The following PLAA variants were observed in gnomAD, a reference collection of about 807,000 sequenced individuals.
PLAA encodes phospholipase A2 activating protein.
A neutral mutation model predicts 84.1 loss-of-function variants in PLAA; 48 were observed. That is an observed-to-expected ratio of 0.57 (90% CI 0.45 to 0.73). PLAA has a LOEUF of 0.73. Among genes scored for constraint, PLAA ranks in the 30% least tolerant of loss-of-function variants. The pLI is 0.00. For missense variants in PLAA, 903 were observed against 954.7 expected, an observed-to-expected ratio of 0.95 and a Z score of 0.71; for synonymous variants, 392 against 336.6, an observed-to-expected ratio of 1.16 and a Z score of -1.80.
chr9:26,918,947 T>C (rs994215443), intron 9 of PLAA, among the ~76,000 whole-genome samples: 20 of 152,216 alleles, frequency 1.3e-4, no homozygotes, highest in African/African-American at 3.6e-4. Context: ...GGTTCACTTT[T>C]AGATTTGATG....
intron 13 of PLAA, among the ~76,000 whole-genome samples, chr9:26,906,736 C>G (rs10967590): frequency 6.6e-6 from 1 of 151,968 alleles, no homozygotes; most frequent in Non-Finnish European, 1.5e-5. Context: ...CCGGAAAGTT[C>G]TTAAGAGAAG....
chr9:26,937,866 G>C (rs566231062), intron 1 of PLAA, among the ~76,000 whole-genome samples: 1 of 120,464 alleles, frequency 8.3e-6, no homozygotes, highest in Non-Finnish European at 1.7e-5. Flanking sequence ...CACAAAAAAA[G>C]ACTGAAAAAA....
At chr9:26,939,821 T>C (rs1052766495) in intron 1 of PLAA, among the ~76,000 whole-genome samples, 1 of 152,076 alleles carries the variant, frequency 6.6e-6, no homozygotes, top group East Asian at 1.9e-4. Flanking sequence ...ATATTATATA[T>C]TAATAAAAAG....
intron 10 of PLAA, chr9:26,916,120 A>AG: frequency 1.0e-6 from 1 of 985,438 alleles, no homozygotes; most frequent in Non-Finnish European, 1.2e-6. Flanking sequence ...CACAGGAAAA[A>AG]GGAAGCTCAC....
In PLAA at chr9:26,941,936, C is replaced by A. The variant is rs148348121; in HGVS notation, c.149+4961G>T. Among the ~76,000 whole-genome samples, 108 of 151,688 alleles carry A rather than the reference C, an allele frequency of 7.1e-4. No individual in the cohort carries two copies. The East Asian group carries it at 0.019, about 26-fold the overall frequency. ...AAAAGGGCCCGCCAATGGCCTGGAA[C>A]AATGGATAGAAGTAGACTGCCTTCC... On this transcript the variant is annotated intron_variant, in intron 1 of 13. Coordinates refer to ENST00000397292, the MANE Select transcript of PLAA (RefSeq NM_001031689.3).
intron 2 of PLAA, among the ~76,000 whole-genome samples, chr9:26,928,799 G>A (rs150340077): frequency 9.8e-5 from 15 of 152,342 alleles, no homozygotes; most frequent in African/African-American, 3.6e-4. Flanking sequence ...TTTCATGACA[G>A]TGACCATAAA....
chr9:26,922,165 G>A (rs1824784792), intron 7 of PLAA, among the ~76,000 whole-genome samples: 1 of 151,906 alleles, frequency 6.6e-6, no homozygotes, highest in Non-Finnish European at 1.5e-5. Flanking sequence ...GTCTACTTTA[G>A]GTTTTCTCAC....
Position 26,905,536 on chromosome 9 carries a change from C to T in PLAA, c.2363G>A (p.Cys788Tyr), listed in dbSNP as rs760383251. 6.2e-7 allele frequency: 1 copy of T among 1,611,506 alleles called. No homozygotes were observed. Among genetic ancestry groups the T allele is most frequent in the Non-Finnish European group, 8.5e-7 (1 of 1,179,022 alleles). The change falls in exon 14 of 14, where the codon TGT becomes TAT. Residue 788 changes from cysteine (C) to tyrosine (Y), a missense_variant. Transcript: ENST00000397292. ...CTACAGCAAATTTAGGATAAATCTA[C>T]AGCATTCACTTACTTTAGCTGGTTC... ...VSEPAKVSECCRFILNLL is the reference protein window; with the variant it reads ...VSEPAKVSECYRFILNLL
intron 10 of PLAA, chr9:26,916,541 A>G (rs1824566428): frequency 1.0e-6 from 1 of 987,064 alleles, no homozygotes. Flanking sequence ...AGTTGGGTGG[A>G]ATGTCTCCTT....
chr9:26,938,096 C>T (rs916359312), intron 1 of PLAA, among the ~76,000 whole-genome samples: 3 of 152,160 alleles, frequency 2.0e-5, no homozygotes, highest in Non-Finnish European at 4.4e-5. Flanking sequence ...CACCAAGTCA[C>T]ATTATATTCA....
chr9:26,939,212 C>A (rs12005943), intron 1 of PLAA, among the ~76,000 whole-genome samples: 12,228 of 151,838 alleles, frequency 0.081, 767 homozygotes, highest in African/African-American at 0.18. Flanking sequence ...CACGGTGAAA[C>A]CCCATCTCTA....
chr9:26,942,874 T>G (rs1389541878), intron 1 of PLAA, among the ~76,000 whole-genome samples: 1 of 71,326 alleles, frequency 1.4e-5, no homozygotes, highest in Non-Finnish European at 2.5e-5. Flanking sequence ...GCGAGACTCG[T>G]CTCAAAAAAA....
intron 4 of PLAA, among the ~76,000 whole-genome samples, chr9:26,926,849 T>C (rs1330108620): frequency 6.6e-6 from 1 of 151,916 alleles, no homozygotes; most frequent in Non-Finnish European, 1.5e-5. Flanking sequence ...TGAAAATTCA[T>C]TTTTAATTTT....
At chr9:26,915,942 T>A (rs1201083716) in intron 10 of PLAA, 34 of 985,326 alleles carry the variant, frequency 3.5e-5, no homozygotes, top group Non-Finnish European at 4.0e-5. Flanking sequence ...AAAGCCATCT[T>A]ATCTACTCTT....
In PLAA at chr9:26,919,329, G is replaced by A. The variant is rs372351877; in HGVS notation, c.1398C>T (p.Ser466=). The A allele has an allele frequency of 1.2e-6, 2 of 1,609,076 alleles. No individual in the cohort carries two copies. Among genetic ancestry groups the A allele is most frequent in the African/African-American group, 2.7e-5 (2 of 74,772 alleles). ...ACTTACCTGTAAATGGATCTGAAAA[G>A]CTGGGATTCCCAAGTCCCAACATTT... ...KGQMLGLGNP[S]FSDPFTGGGR... Residue 466 remains serine, a synonymous_variant, in exon 9 of 14, where the codon AGC becomes AGT. Coordinates refer to ENST00000397292, the MANE Select transcript of PLAA (RefSeq NM_001031689.3).
At chr9:26,908,487 G>A (rs1421641500) in intron 12 of PLAA, among the ~76,000 whole-genome samples, 1 of 149,080 alleles carries the variant, frequency 6.7e-6, no homozygotes, top group African/African-American at 2.5e-5. Flanking sequence ...ATTTTGAGAT[G>A]GAGTCTCACT....
At chr9:26,939,484 C>CAAAAAAAAA (rs58833364) in intron 1 of PLAA, among the ~76,000 whole-genome samples, 6 of 76,902 alleles carry the variant, frequency 7.8e-5, no homozygotes, top group East Asian at 3.3e-4. Flanking sequence ...GATGAGAGAC[C>CAAAAAAAAA]AAAAAAAAAA....
At chr9:26,926,001 T>G in intron 5 of PLAA, 41 bp from the exon 6 acceptor site, 2 of 1,511,390 alleles carry the variant, frequency 1.3e-6, no homozygotes, top group Non-Finnish European at 1.8e-6. Context: ...TTGAATAAAA[T>G]TAAGTACATT....
intron 12 of PLAA, among the ~76,000 whole-genome samples, chr9:26,909,549 A>C (rs566702553): frequency 6.6e-6 from 1 of 152,260 alleles, no homozygotes; most frequent in East Asian, 1.9e-4. Context: ...ACAACAACAA[A>C]ACACTGTATT....
Sources: gnomAD v4.1 joint callset for allele counts (sites outside exome capture counted in the v4.1 genomes callset) on GRCh38, gnomAD v4.1.1 for gene constraint, MANE v1.5 for transcripts, NCBI Gene and HGNC (gene_info 2026-07-23, HGNC 2026-07-21) for gene names.